The following MIDEAS variants were observed in gnomAD, a reference collection of about 807,000 sequenced individuals.
MIDEAS encodes the protein mitotic deacetylase-associated SANT domain protein.
In MIDEAS, 26 loss-of-function variants were observed where a neutral mutation model predicts 102.7. The ratio of observed to expected loss-of-function variants is 0.25; its 90% CI spans 0.19 to 0.35. The LOEUF (loss-of-function observed/expected upper bound fraction) is 0.35. MIDEAS is among the 10% of genes least tolerant of loss of function. The pLI, the probability that MIDEAS is intolerant of heterozygous loss-of-function variation, is 1.00. For missense variants in MIDEAS, 1,231 were observed against 1,435.6 expected (o/e 0.86, Z 2.30); for synonymous variants, 585 against 591.0 (o/e 0.99, Z 0.15).
At chr14:73,730,517 T>A (rs1286913941) in intron 3 of MIDEAS, among the ~76,000 whole-genome samples, 1 of 152,224 alleles carries the variant, frequency 6.6e-6, no homozygotes, top group African/African-American at 2.4e-5. Flanking sequence ...GGGGTAACCA[T>A]GAGGACTGCA....
chr14:73,780,936 G>T (rs368662603), intron 1 of MIDEAS, among the ~76,000 whole-genome samples: 3 of 150,694 alleles, frequency 2.0e-5, no homozygotes, highest in Admixed American at 6.6e-5. Flanking sequence ...AGTTTTTTTT[G>T]TTTTTTTGTT....
chr14:73,739,305 G>T lies in MIDEAS; in HGVS notation c.704C>A (p.Pro235Gln), dbSNP rs377433576. ...GAAGGCAGCCACCGGGTTTGGGGGC[G>T]GTGGGCCCTGCCGGAAGACCTGCCG... Reference protein sequence around the residue: ...VNRQVFRQGPPPPNPVAAFPP... With the variant: ...VNRQVFRQGPQPPNPVAAFPP... Residue 235 changes from proline to glutamine, a missense_variant, in exon 2 of 13, where the codon CCG becomes CAG. Pro to Gln is a moderately conservative substitution (Grantham distance 76). Around this residue, in one of 5 missense-constraint regions of MIDEAS, gnomAD observed 758 missense variants for 856.0 expected, o/e 0.89. Coordinates refer to ENST00000423556, the MANE Select transcript of MIDEAS (RefSeq NM_001367710.1). 2 of 1,611,028 alleles carry T rather than the reference G, an allele frequency of 1.2e-6. No individual in the cohort carries two copies. The highest frequency in any genetic ancestry group is 4.5e-5 in the East Asian group (2 of 44,874).
At chr14:73,737,773 CTTTTT>C (rs5809628) in intron 2 of MIDEAS, among the ~76,000 whole-genome samples, 4 of 89,206 alleles carry the variant, frequency 4.5e-5, no homozygotes, top group African/African-American at 1.5e-4. Flanking sequence ...TCTCCGACCA[CTTTTT>C]TTTTTTTTTT....
chr14:73,726,246 A>G (rs1025424185), intron 7 of MIDEAS, 138 bp from the exon 8 acceptor site: 22 of 758,176 alleles, frequency 2.9e-5, no homozygotes, highest in Non-Finnish European at 4.7e-5. Flanking sequence ...TAAGGGGTCC[A>G]CTGGGGTGGT....
chr14:73,747,298 C>T (rs2053365202), intron 1 of MIDEAS, among the ~76,000 whole-genome samples: 1 of 152,156 alleles, frequency 6.6e-6, no homozygotes. Flanking sequence ...GATGTCTGGT[C>T]CAGGAGCCGC....
intron 1 of MIDEAS, among the ~76,000 whole-genome samples, chr14:73,756,293 T>C (rs372510780): frequency 0.051 from 3,806 of 75,122 alleles, 76 homozygotes; most frequent in African/African-American, 0.1. Flanking sequence ...TGTGTGTGTG[T>C]GTGCGCGCGC....
intron 3 of MIDEAS, among the ~76,000 whole-genome samples, chr14:73,736,651 C>T (rs1159850352): frequency 1.4e-5 from 2 of 148,108 alleles, no homozygotes; most frequent in Admixed American, 6.7e-5. Flanking sequence ...AAAAAGATGT[C>T]AAGATCTCAG....
intron 1 of MIDEAS, among the ~76,000 whole-genome samples, chr14:73,777,433 A>G (rs909781465): frequency 2.0e-5 from 3 of 151,976 alleles, no homozygotes; most frequent in African/African-American, 4.8e-5. Context: ...CTGTGGGCCA[A>G]CCTAAGACCT....
chr14:73,752,096 G>A (rs1595280599), intron 1 of MIDEAS, among the ~76,000 whole-genome samples: 1 of 152,284 alleles, frequency 6.6e-6, no homozygotes, highest in East Asian at 1.9e-4. Context: ...TGCTCTCAGA[G>A]TGTTGCTTCT....
chr14:73,722,370 T>C (rs1244326906), intron 10 of MIDEAS: 1 of 182,236 alleles, frequency 5.5e-6, no homozygotes, highest in African/African-American at 2.4e-5. Flanking sequence ...AGGATGCAGA[T>C]ATGGCAGAAA....
At chr14:73,754,779 A>C (rs952334275) in intron 1 of MIDEAS, 3 of 152,190 alleles carry the variant, frequency 2.0e-5, no homozygotes, top group Non-Finnish European at 2.9e-5. Flanking sequence ...TTATCACTTA[A>C]GCCCATTTCT....
chr14:73,768,346 C>T (rs1177994032), intron 1 of MIDEAS, among the ~76,000 whole-genome samples: 2 of 151,762 alleles, frequency 1.3e-5, no homozygotes, highest in Non-Finnish European at 2.9e-5. Flanking sequence ...CCCTCTGAAG[C>T]TTTCTCTCTG....
At position 73,740,872 on chromosome 14, in the gene MIDEAS, C is replaced by T. The variant is rs369631863; in HGVS notation, c.-247-617G>A. Among the ~76,000 whole-genome samples, 6 of 152,382 alleles carry T rather than the reference C, an allele frequency of 3.9e-5. No homozygotes were observed. The East Asian group carries it at 1.2e-3, about 29-fold the overall frequency. On this transcript the variant is annotated intron_variant, in intron 1 of 12. Transcript: ENST00000423556. ...GCAGCCCCAGAGTCAGGAGCTCCAACAGACCCTTGTAGAGTCAGGGGCCCA... is the reference window on the plus strand; with the variant it reads ...GCAGCCCCAGAGTCAGGAGCTCCAATAGACCCTTGTAGAGTCAGGGGCCCA...
chr14:73,718,903 G>GGCA lies in MIDEAS; in HGVS notation c.3237_3239dup (p.Ala1084dup), dbSNP rs755378954. The GGCA allele has an allele frequency of 3.9e-6, 6 of 1,519,546 alleles. No individual in the cohort carries two copies. Among genetic ancestry groups the GGCA allele is most frequent in the South Asian group, 1.2e-5 (1 of 82,196 alleles). The allele number at this position is 1,519,546 out of a possible 1,614,324, so 94.1% of individuals were successfully genotyped here. On this transcript the variant is annotated inframe_insertion, in exon 13 of 13. Transcript: ENST00000423556. ...GGGCCTGCTGGTGGGCGGCGGCGGC[G>GGCA]GCAGCAGCGGCCTCTTTCTCCTTCA...
Position 73,725,098 on chromosome 14 carries a change from G to C in MIDEAS, c.2574+174C>G, listed in dbSNP as rs1241593002. 1 of 602,040 alleles carries C rather than the reference G, an allele frequency of 1.7e-6. No homozygotes were observed. The highest frequency in any genetic ancestry group is 1.9e-5 in the African/African-American group (1 of 54,042). 37.3% of individuals were successfully genotyped at this position (602,040 alleles called of 1,614,324 possible). On this transcript the variant is annotated intron_variant, in intron 9 of 12. Coordinates refer to ENST00000423556, the MANE Select transcript of MIDEAS (RefSeq NM_001367710.1). This position sits in a 1 kb window ranked among gnomAD's most constrained non-coding sequence, Gnocchi z 4.1. ...AGGAAAGGATGCTTAGAACCAAAAG[G>C]GAAAAGAGACCTATCTTTCTCTTTC...
At chr14:73,790,157 T>C (rs2053855949), upstream of MIDEAS, 1 of 152,270 alleles carries the variant, frequency 6.6e-6, no homozygotes, top group Non-Finnish European at 1.5e-5. Context: ...GTCCACGTGA[T>C]GGTGTCTTTC....
intron 1 of MIDEAS, among the ~76,000 whole-genome samples, chr14:73,770,080 T>C (rs1255160048): frequency 6.6e-6 from 1 of 151,996 alleles, no homozygotes; most frequent in Non-Finnish European, 1.5e-5. Context: ...ACAGCACCTG[T>C]ATATAGAGCC....
intron 4 of MIDEAS, 64 bp downstream of exon 4, chr14:73,729,574 TGA>T (rs2053109344): frequency 5.3e-6 from 7 of 1,321,810 alleles, no homozygotes; most frequent in Admixed American, 4.1e-5. Context: ...CCCCACAGGC[TGA>T]GATGCCTCCC....
At chr14:73,763,608 C>T (rs1595291549), upstream of MIDEAS, among the ~76,000 whole-genome samples, 1 of 152,128 alleles carries the variant, frequency 6.6e-6, no homozygotes, top group Admixed American at 6.5e-5. Context: ...CCAACCTTTA[C>T]CAGAGCCTGG....
Sources: gnomAD v4.1 joint callset for allele counts (sites outside exome capture counted in the v4.1 genomes callset) on GRCh38, gnomAD v4.1.1 for gene constraint, gnomAD v4.1.1 regional missense constraint, Gnocchi (gnomAD v3.1) non-coding constraint, MANE v1.5 for transcripts, NCBI Gene and HGNC (gene_info 2026-07-23, HGNC 2026-07-21) for gene names.